TEP1: variants seen among roughly 807,000 people sequenced by gnomAD.
TEP1 encodes telomerase associated protein 1.
TEP1 carries 241 observed loss-of-function variants against 306.3 expected under a neutral mutation model. The observed-to-expected ratio is 0.79, with a 90% CI of 0.71 to 0.88. TEP1 has a LOEUF of 0.88. Ranked by LOEUF, TEP1 falls within the 40% of genes least tolerant of loss-of-function variation. TEP1 has a pLI of 0.00. For missense variants in TEP1, 3,051 were observed against 3,276.1 expected (o/e 0.93, Z 1.68); for synonymous variants, 1,289 against 1,305.5 (o/e 0.99, Z 0.27).
chr14:20,410,020 C>CAAAAAAAAAAAAAAAAAAAAAAAAAAA (rs570672845), intron 1 of TEP1, among the ~76,000 whole-genome samples: 1 of 58,922 alleles, frequency 1.7e-5, no homozygotes, highest in African/African-American at 6.7e-5. Flanking sequence ...GACTCTGTCT[C>CAAAAAAAAAAAAAAAAAAAAAAAAAAA]AAAAAAAAAA....
chr14:20,394,862 A>G (rs1252347222), intron 12 of TEP1, among the ~76,000 whole-genome samples: 1 of 152,194 alleles, frequency 6.6e-6, no homozygotes, highest in African/African-American at 2.4e-5. Flanking sequence ...TGAGCCCTCT[A>G]GAAAGTTAAG....
chr14:20,377,952 C>G, intron 39 of TEP1, 72 bp downstream of exon 39: 11 of 1,565,246 alleles, frequency 7.0e-6, no homozygotes, highest in Non-Finnish European at 9.6e-6. Context: ...AAAGGACCCC[C>G]ACCCCCACCA....
Position 20,401,535 on chromosome 14 carries a change from C to T in TEP1, c.1313G>A (p.Arg438Lys). The change falls in exon 8 of 55, where the codon AGG (arginine) becomes AAG (lysine). Residue 438 changes from arginine (R) to lysine (K), a missense_variant. By Grantham distance (26) the Arg-to-Lys change is conservative. Transcript: ENST00000262715. ...CTGAACCAGCTTCTTCAGGGTGAAC[C>T]TTGGAGGATTCTTTTTCTCTGACAC... ...DTVSEKKNPP[R>K]FTLKKLVQRL... is the part of the protein sequence containing the mutation. The T allele has an allele frequency of 1.2e-6, 2 of 1,614,162 alleles. No individual in the cohort carries two copies. Among genetic ancestry groups the T allele is most frequent in the South Asian group, 1.1e-5 (1 of 91,086 alleles).
chr14:20,389,873 T>C, intron 15 of TEP1, 133 bp from the exon 16 acceptor site: 1 of 1,207,622 alleles, frequency 8.3e-7, no homozygotes, highest in Non-Finnish European at 1.1e-6. Context: ...GCACATAGAA[T>C]GAGGGAAGCC....
At chr14:20,410,638 C>T (rs1879584685) in intron 1 of TEP1, among the ~76,000 whole-genome samples, 1 of 148,238 alleles carries the variant, frequency 6.7e-6, no homozygotes, top group African/African-American at 2.5e-5. Flanking sequence ...GACAGGGTTC[C>T]ACTATGCTGG....
At chr14:20,388,170 G>T (rs1311356720) in intron 17 of TEP1, 107 bp from the exon 18 acceptor site, 1 of 1,222,172 alleles carries the variant, frequency 8.2e-7, no homozygotes, top group East Asian at 2.5e-5. Flanking sequence ...TTGGTGACCA[G>T]TTAAGTCAAG....
chr14:20,410,377 A>AG (rs1385306786), intron 1 of TEP1, among the ~76,000 whole-genome samples: 3 of 152,104 alleles, frequency 2.0e-5, no homozygotes, highest in African/African-American at 7.2e-5. Flanking sequence ...CTGAGGCAGG[A>AG]GGATCACTTG....
intron 40 of TEP1, 53 bp from the exon 41 acceptor site, chr14:20,377,545 C>G: frequency 6.2e-7 from 1 of 1,612,536 alleles, no homozygotes; most frequent in Non-Finnish European, 8.5e-7. Context: ...GGGTAGGGGG[C>G]AGGGGCTGCG....
chr14:20,374,065 C>T (rs991290464), intron 44 of TEP1, among the ~76,000 whole-genome samples: 5 of 151,830 alleles, frequency 3.3e-5, no homozygotes, highest in African/African-American at 1.2e-4. Flanking sequence ...ATAATCCAAT[C>T]CCAAGTATCT....
At position 20,382,050 on chromosome 14, in the gene TEP1, G is replaced by A. The variant is rs1380509431; in HGVS notation, c.4287C>T (p.Asp1429=). Residue 1429 remains aspartate, a synonymous_variant, in exon 30 of 55, where the codon GAC becomes GAT. Transcript: ENST00000262715. Reference sequence around the variant, plus strand: ...ACACACTCAGCACTCCGTGCAGCTGGTCCACAGTCAAACCTGAAAACTCAA... The same window carrying A: ...ACACACTCAGCACTCCGTGCAGCTGATCCACAGTCAAACCTGAAAACTCAA... ...LEVTRSGLTV[D]QLHGVLSVWR... 1.2e-6 allele frequency: 2 copies of A among 1,614,112 alleles called. No homozygotes were observed. The highest frequency in any genetic ancestry group is 2.2e-5 in the South Asian group (2 of 91,086).
chr14:20,401,351 T>C, intron 8 of TEP1, 106 bp downstream of exon 8: 1 of 1,514,230 alleles, frequency 6.6e-7, no homozygotes, highest in Non-Finnish European at 8.9e-7. Flanking sequence ...CATGTCTGTC[T>C]AAAGTCATGT....
chr14:20,393,559 AGGTAGTT>A (rs1212849324), intron 12 of TEP1, among the ~76,000 whole-genome samples: 1 of 152,200 alleles, frequency 6.6e-6, no homozygotes, highest in African/African-American at 2.4e-5. Flanking sequence ...TGGGAGGCCG[AGGTAGTT>A]GGATCACTTG....
At chr14:20,405,636 A>G (rs111482622) in intron 3 of TEP1, 51 bp from the exon 4 acceptor site, 48,919 of 1,598,018 alleles carry the variant, frequency 0.031, 769 homozygotes, top group Non-Finnish European at 0.034. Context: ...ACAAGGACCA[A>G]CTTAAGCATC....
At chr14:20,371,739 G>T in intron 49 of TEP1, 107 bp from the exon 50 acceptor site, 1 of 1,287,118 alleles carries the variant, frequency 7.8e-7, no homozygotes, top group Non-Finnish European at 1.0e-6. Flanking sequence ...AAAGCAAAAT[G>T]TATCACCTTC....
intron 4 of TEP1, among the ~76,000 whole-genome samples, chr14:20,405,092 C>T (rs1047455840): frequency 2.0e-5 from 3 of 152,166 alleles, no homozygotes. Context: ...ATTAAACCTG[C>T]CATTTTCCAA....
chr14:20,408,140 G>A lies in TEP1; in HGVS notation c.300C>T (p.Ala100=), dbSNP rs201609846. Residue 100 remains alanine (A), a synonymous_variant, in exon 2 of 55, where the codon GCC becomes GCT. Coordinates refer to ENST00000262715, the MANE Select transcript of TEP1 (RefSeq NM_007110.5). ...TCTCCAAGGAGAGGATGTCTGGGTG[G>A]GCAGAAACATGTCCATGTGGTTTCT... ...TMEKPHGHVS[A]HPDILSLENR... is the part of the protein sequence containing the mutation. The A allele has an allele frequency of 3.1e-6, 5 of 1,610,282 alleles. No homozygotes were observed. Among genetic ancestry groups the A allele is most frequent in the Non-Finnish European group, 3.4e-6 (4 of 1,177,770 alleles).
chr14:20,387,509 G>A (rs952685638), intron 18 of TEP1, among the ~76,000 whole-genome samples: 44 of 144,154 alleles, frequency 3.1e-4, no homozygotes, highest in African/African-American at 4.7e-4. Context: ...CCGAGATCAC[G>A]CCACTGTACC....
At chr14:20,397,875 T>G (rs554019335) in intron 9 of TEP1, among the ~76,000 whole-genome samples, 4 of 152,056 alleles carry the variant, frequency 2.6e-5, no homozygotes, top group South Asian at 4.2e-4. Context: ...TGCCTCAGCC[T>G]CCGAGTAGCT....
chr14:20,384,246 G>C lies in TEP1; in HGVS notation c.3340-14C>G. ...CAGGGCCCCAGGCTGAGGGTAAATG[G>C]GTCAGTGACTATCCATGGTGCCATG... On this transcript the variant is annotated splice_polypyrimidine_tract_variant and intron_variant, in intron 23 of 54. Coordinates refer to ENST00000262715, the MANE Select transcript of TEP1 (RefSeq NM_007110.5). 6.2e-7 allele frequency: 1 copy of C among 1,612,586 alleles called. No homozygotes were observed. The highest frequency in any genetic ancestry group is 1.3e-5 in the African/African-American group (1 of 74,990).
Sources: gnomAD v4.1 joint callset for allele counts (sites outside exome capture counted in the v4.1 genomes callset) on GRCh38, gnomAD v4.1.1 for gene constraint, MANE v1.5 for transcripts, NCBI Gene and HGNC (gene_info 2026-07-23, HGNC 2026-07-21) for gene names.